The following EXOC4 variants were observed in gnomAD, a reference collection of about 807,000 sequenced individuals.
The protein encoded by EXOC4 is exocyst complex component 4.
Under a neutral mutation model 107.2 loss-of-function variants are expected in EXOC4, and 71 were observed. The ratio of observed to expected loss-of-function variants is 0.66; its 90% CI spans 0.55 to 0.81. The LOEUF is 0.81. Among genes scored for constraint, EXOC4 ranks in the 30% least tolerant of loss-of-function variants. The pLI, the probability that EXOC4 is intolerant of heterozygous loss-of-function variation, is 0.00. For missense variants in EXOC4, 1,108 were observed against 1,189.6 expected (o/e 0.93, Z 1.01); for synonymous variants, 456 against 441.2 (o/e 1.03, Z -0.42).
chr7:133,997,061 T>G (rs1397754896), intron 14 of EXOC4, among the ~76,000 whole-genome samples: 1 of 152,188 alleles, frequency 6.6e-6, no homozygotes, highest in Non-Finnish European at 1.5e-5. Flanking sequence ...ACAGGCTGCC[T>G]TGAAAGGTAT....
At chr7:133,526,072 G>T (rs1319460215) in intron 9 of EXOC4, among the ~76,000 whole-genome samples, 2 of 152,152 alleles carry the variant, frequency 1.3e-5, no homozygotes, top group Non-Finnish European at 2.9e-5. Flanking sequence ...GGCCTATAGT[G>T]CTGCTGAGGC....
chr7:134,100,727 C>T, the EXOC4 span, among the ~76,000 whole-genome samples: 6 of 130,140 alleles, frequency 4.6e-5, 1 homozygote, highest in Admixed American at 8.6e-5. Context: ...AGGTAGATCA[C>T]GAGGTCAAGA....
rs767915201 is a variant in EXOC4, at chr7:133,381,279, C to G, written c.1182+6277C>G. Among the ~76,000 whole-genome samples the G allele has an allele frequency of 2.0e-5, 3 of 151,938 alleles. No individual in the cohort carries two copies. In the East Asian group the frequency reaches 5.8e-4, roughly 29 times the overall value. ...ACAGTACTGAGTATTAAGCTATATA[C>G]CCATCAATAACCTAGATGGCTAATG... On this transcript the variant is annotated intron_variant, in intron 7 of 17. Transcript: ENST00000253861.
At chr7:133,855,167 T>TATAAATATATATATAAATATATATATA (rs1563028707) in intron 11 of EXOC4, among the ~76,000 whole-genome samples, 11 of 84,902 alleles carry the variant, frequency 1.3e-4, no homozygotes, top group Non-Finnish European at 1.8e-4. Context: ...ATATATATAT[T>TATAAATATATATATAAATATATATATA]TTTTTTATCA....
chr7:133,793,333 C>G (rs568662806), intron 10 of EXOC4, among the ~76,000 whole-genome samples: 1 of 152,202 alleles, frequency 6.6e-6, no homozygotes, highest in East Asian at 1.9e-4. Context: ...AATCTGATGA[C>G]AGCTGTGGAC....
the EXOC4 span, among the ~76,000 whole-genome samples, chr7:134,089,624 T>TA: frequency 6.4e-4 from 98 of 152,310 alleles, no homozygotes; most frequent in African/African-American, 2.3e-3. Context: ...TAATCACCTT[T>TA]AAATTATACA....
intron 10 of EXOC4, among the ~76,000 whole-genome samples, chr7:133,754,712 A>T (rs1188075497): frequency 6.6e-6 from 1 of 152,234 alleles, no homozygotes; most frequent in Non-Finnish European, 1.5e-5. Context: ...ACTTGATTTT[A>T]CTTTAATGCT....
intron 16 of EXOC4, among the ~76,000 whole-genome samples, chr7:134,005,904 A>C (rs955856623): frequency 6.6e-6 from 1 of 152,204 alleles, no homozygotes; most frequent in Non-Finnish European, 1.5e-5. Context: ...TGGGCCCCCC[A>C]AAATCCAATC....
intron 7 of EXOC4, among the ~76,000 whole-genome samples, chr7:133,403,835 G>A (rs1377850235): frequency 6.6e-6 from 1 of 152,056 alleles, no homozygotes; most frequent in Admixed American, 6.6e-5. Flanking sequence ...GGAGGCTGAG[G>A]TAGGAAGGTA....
At chr7:134,031,783 GAAGTT>G (rs1049493670) in intron 17 of EXOC4, among the ~76,000 whole-genome samples, 6 of 152,356 alleles carry the variant, frequency 3.9e-5, no homozygotes, top group Admixed American at 6.5e-5. Flanking sequence ...ATAAACCCAT[GAAGTT>G]AAGAAGAGCT....
chr7:133,304,720 T>C lies in EXOC4; in HGVS notation c.472-1157T>C, dbSNP rs558358702. The stretch of plus-strand genomic sequence containing the variant: ...TCACCAATGTGTTTCATGGCTTTAA[T>C]TACCTATTGTTTTAGTGTAAATGGT... On this transcript the variant is annotated intron_variant, in intron 3 of 17. Transcript: ENST00000253861. Among the ~76,000 whole-genome samples, 7 of 152,370 alleles carry C rather than the reference T, an allele frequency of 4.6e-5. No individual in the cohort carries two copies. The East Asian group carries it at 9.6e-4, about 21-fold the overall frequency.
At chr7:133,748,633 G>A (rs1056447819) in intron 10 of EXOC4, among the ~76,000 whole-genome samples, 5 of 152,170 alleles carry the variant, frequency 3.3e-5, no homozygotes, top group African/African-American at 4.8e-5. Flanking sequence ...AGGTGTTGAG[G>A]TCTAGAGAAA....
chr7:133,772,831 G>C (rs573462482), intron 10 of EXOC4, among the ~76,000 whole-genome samples: 1 of 152,138 alleles, frequency 6.6e-6, no homozygotes, highest in African/African-American at 2.4e-5. Flanking sequence ...ATTCTCCTGA[G>C]TTCTACGCTG....
chr7:133,781,843 T>C (rs73152984), intron 10 of EXOC4, among the ~76,000 whole-genome samples: 3 of 152,332 alleles, frequency 2.0e-5, no homozygotes, highest in Non-Finnish European at 4.4e-5. Context: ...GTCTAACTTA[T>C]CTTTAGTTTC....
intron 12 of EXOC4, among the ~76,000 whole-genome samples, chr7:133,917,324 A>G (rs1401780691): frequency 1.3e-5 from 2 of 152,194 alleles, no homozygotes; most frequent in Admixed American, 1.3e-4. Flanking sequence ...AAGGGATCAA[A>G]TATGGTAAGA....
At chr7:133,679,032 C>T (rs549267060) in intron 10 of EXOC4, among the ~76,000 whole-genome samples, 4 of 152,016 alleles carry the variant, frequency 2.6e-5, no homozygotes, top group East Asian at 3.9e-4. Context: ...GCATTGAAAC[C>T]GATGTCATAA....
intron 11 of EXOC4, among the ~76,000 whole-genome samples, chr7:133,874,272 T>C (rs1374270778): frequency 6.6e-6 from 1 of 152,218 alleles, no homozygotes; most frequent in Admixed American, 6.6e-5. Context: ...TGCCCAGTGG[T>C]GCATTTTGTT....
intron 11 of EXOC4, among the ~76,000 whole-genome samples, chr7:133,855,118 TATATATATAAATATATATATATATAA>T (rs1798339050): frequency 1.1e-5 from 1 of 94,886 alleles, no homozygotes; most frequent in African/African-American, 5.0e-5. Context: ...TATATAAATA[TATATATATAAATATATATATATATAA>T]ATATATATAT....
intron 11 of EXOC4, among the ~76,000 whole-genome samples, chr7:133,848,267 G>A (rs1798173480): frequency 6.6e-6 from 1 of 152,188 alleles, no homozygotes; most frequent in African/African-American, 2.4e-5. Flanking sequence ...ATGCAGAGGA[G>A]AAGAGGAGGA....
Sources: gnomAD v4.1 joint callset for allele counts (sites outside exome capture counted in the v4.1 genomes callset) on GRCh38, gnomAD v4.1.1 for gene constraint, MANE v1.5 for transcripts, NCBI Gene and HGNC (gene_info 2026-07-23, HGNC 2026-07-21) for gene names.